Variants in FBXW11 observed in about 807,000 individuals in gnomAD.
FBXW11 encodes the protein F-box/WD repeat-containing protein 11.
FBXW11 carries 19 observed loss-of-function variants against 77.6 expected under a neutral mutation model. The ratio of observed to expected loss-of-function variants is 0.24; its 90% CI spans 0.17 to 0.36. The LOEUF (loss-of-function observed/expected upper bound fraction) is 0.36, where lower values mean the gene tolerates loss of function less well. Ranked by LOEUF, FBXW11 falls within the 10% of genes least tolerant of loss-of-function variation. The pLI is 1.00. For synonymous variants in FBXW11, 235 were observed against 249.4 expected (o/e 0.94, Z 0.54); for missense variants, 334 against 704.2 (o/e 0.47, Z 5.95).
At chr5:171,925,176 T>C (rs570871920) in intron 2 of FBXW11, among the ~76,000 whole-genome samples, 2 of 152,250 alleles carry the variant, frequency 1.3e-5, no homozygotes, top group South Asian at 4.1e-4. Flanking sequence ...TGCATATATA[T>C]AAAAATTACC....
intron 9 of FBXW11, 98 bp from the exon 10 acceptor site, chr5:171,873,088 A>G: frequency 1.1e-6 from 1 of 950,690 alleles, no homozygotes; most frequent in South Asian, 1.6e-5. Context: ...TAATGACCCA[A>G]ATATGTGATT....
intron 2 of FBXW11, among the ~76,000 whole-genome samples, chr5:171,918,483 A>C (rs1040619990): frequency 1.3e-5 from 2 of 152,238 alleles, no homozygotes; most frequent in South Asian, 2.1e-4. Flanking sequence ...AACCATGGCC[A>C]ATCTGAGAGT....
At chr5:171,989,596 C>G (rs1485729194) in intron 1 of FBXW11, among the ~76,000 whole-genome samples, 1 of 152,220 alleles carries the variant, frequency 6.6e-6, no homozygotes, top group Non-Finnish European at 1.5e-5. Context: ...GGTTACACAT[C>G]CTACAAGACA....
At chr5:171,885,315 TG>T (rs763083682) in intron 7 of FBXW11, among the ~76,000 whole-genome samples, 1 of 152,164 alleles carries the variant, frequency 6.6e-6, no homozygotes, top group Non-Finnish European at 1.5e-5. Flanking sequence ...CACAAAAGTG[TG>T]GTGGGGAGCC....
chr5:171,884,703 T>A (rs1250402816), intron 7 of FBXW11, among the ~76,000 whole-genome samples: 2 of 152,224 alleles, frequency 1.3e-5, no homozygotes, highest in African/African-American at 4.8e-5. Flanking sequence ...ATTCTACCCA[T>A]CCATGAGCAT....
chr5:171,896,083 C>T (rs1759722507), intron 6 of FBXW11, among the ~76,000 whole-genome samples: 2 of 152,156 alleles, frequency 1.3e-5, no homozygotes, highest in South Asian at 4.1e-4. Flanking sequence ...TCTATTTTCC[C>T]TTAAAATTAA....
chr5:171,987,599 C>T (rs527823088), intron 1 of FBXW11, among the ~76,000 whole-genome samples: 3,685 of 152,054 alleles, frequency 0.024, 82 homozygotes, highest in African/African-American at 0.058. Flanking sequence ...TTACAGGCAC[C>T]CACTACCATG....
At chr5:171,865,385 G>C (rs1336818622) in intron 13 of FBXW11, among the ~76,000 whole-genome samples, 5 of 151,944 alleles carry the variant, frequency 3.3e-5, no homozygotes, top group African/African-American at 9.7e-5. Context: ...ACAAATATTA[G>C]GTTAAAAGAA....
rs763910718 is a variant in FBXW11, at chr5:172,006,552, C to T, written c.-50G>A. On this transcript the variant is annotated 5_prime_UTR_variant, in exon 1 of 14. Transcript: ENST00000517395. ...CTCTCCCCGCGCAGCAGCGAACGGC[C>T]CGGGCGGAGGAGGCGACGGCGGAGG... The T allele has an allele frequency of 4.6e-5, 67 of 1,470,122 alleles. No homozygotes were observed. The South Asian group carries it at 8.8e-4, about 19-fold the overall frequency. 91.1% of individuals were successfully genotyped at this position (1,470,122 alleles called of 1,614,324 possible).
At chr5:171,920,763 T>C (rs1761548643) in intron 2 of FBXW11, among the ~76,000 whole-genome samples, 1 of 152,186 alleles carries the variant, frequency 6.6e-6, no homozygotes, top group Non-Finnish European at 1.5e-5. Context: ...AGTGTGTTTT[T>C]TTAATATGAT....
chr5:171,991,944 A>C (rs1765760631), intron 1 of FBXW11, among the ~76,000 whole-genome samples: 1 of 151,194 alleles, frequency 6.6e-6, no homozygotes, highest in Non-Finnish European at 1.5e-5. Context: ...GCAAAACCCT[A>C]TCTCTACTAA....
At chr5:171,911,013 C>G (rs563658599) in intron 3 of FBXW11, among the ~76,000 whole-genome samples, 1 of 150,972 alleles carries the variant, frequency 6.6e-6, no homozygotes, top group African/African-American at 2.4e-5. Flanking sequence ...AAAATTGTAG[C>G]TATTTCTAAA....
intron 2 of FBXW11, among the ~76,000 whole-genome samples, chr5:171,943,522 G>C (rs1200574890): frequency 6.6e-6 from 1 of 152,098 alleles, no homozygotes; most frequent in African/African-American, 2.4e-5. Context: ...GCAGTGGTGG[G>C]ATCTCAGCTC....
chr5:171,924,454 G>T (rs188047078), intron 2 of FBXW11, among the ~76,000 whole-genome samples: 6 of 152,180 alleles, frequency 3.9e-5, no homozygotes, highest in African/African-American at 1.4e-4. Context: ...CCACACTGGG[G>T]GACTATGCCC....
chr5:171,959,014 T>G (rs1017221510), intron 1 of FBXW11, among the ~76,000 whole-genome samples: 1 of 151,510 alleles, frequency 6.6e-6, no homozygotes, highest in African/African-American at 2.4e-5. Flanking sequence ...CAAACAAAGA[T>G]AGCTTTGCTT....
intron 1 of FBXW11, among the ~76,000 whole-genome samples, chr5:171,967,863 T>TAC (rs1764286232): frequency 4.1e-5 from 1 of 24,428 alleles, no homozygotes; most frequent in African/African-American, 8.9e-5. Context: ...TGCATATATA[T>TAC]ATATATATAT....
intron 3 of FBXW11, among the ~76,000 whole-genome samples, chr5:171,912,212 G>C (rs1415014330): frequency 1.3e-5 from 2 of 152,114 alleles, no homozygotes; most frequent in African/African-American, 4.8e-5. Context: ...ATATTTAGAG[G>C]TATGAGATGG....
chr5:171,912,602 ACTAG>A (rs1308210576), intron 3 of FBXW11, among the ~76,000 whole-genome samples: 1 of 152,106 alleles, frequency 6.6e-6, no homozygotes, highest in Non-Finnish European at 1.5e-5. Context: ...AGCCACTAAA[ACTAG>A]CATATAAAGT....
chr5:171,870,804 T>C lies in FBXW11; in HGVS notation c.1395A>G (p.Glu465=). The change falls in exon 11 of 14, where the codon GAA becomes GAG. Residue 465 remains glutamate, a synonymous_variant. Coordinates refer to ENST00000517395, the MANE Select transcript of FBXW11 (RefSeq NM_001378974.1). The part of the protein sequence containing the change: ...ACLRVLEGHE[E]LVRCIRFDNK... ...TATCAAACCGGATGCATCGGACCAA[T>C]TCTTCATGTCCCTCTAGGACTCTTA... 6.2e-7 allele frequency: 1 copy of C among 1,614,044 alleles called. No homozygotes were observed.
Sources: gnomAD v4.1 joint callset for allele counts (sites outside exome capture counted in the v4.1 genomes callset) on GRCh38, gnomAD v4.1.1 for gene constraint, MANE v1.5 for transcripts, NCBI Gene and HGNC (gene_info 2026-07-23, HGNC 2026-07-21) for gene names.